TMEM67: variants seen among roughly 807,000 people sequenced by gnomAD.
The protein encoded by TMEM67 is transmembrane protein 67, also known as meckelin.
In TMEM67, 124 loss-of-function variants were observed where a neutral mutation model predicts 136.6. That is an observed-to-expected ratio of 0.91 (90% CI 0.78 to 1.05). The LOEUF (loss-of-function observed/expected upper bound fraction) is 1.05, where lower values mean the gene tolerates loss of function less well. TMEM67 is among the 50% of genes least tolerant of loss of function. The pLI, the probability that TMEM67 is intolerant of heterozygous loss-of-function variation, is 0.00. For missense variants in TMEM67, 1,107 were observed against 1,178.4 expected (o/e 0.94, Z 0.89); for synonymous variants, 364 against 390.5 (o/e 0.93, Z 0.80).
At chr8:93,806,639 C>A (rs1264463920) in intron 23 of TMEM67, among the ~76,000 whole-genome samples, 1 of 152,050 alleles carries the variant, frequency 6.6e-6, no homozygotes, top group Non-Finnish European at 1.5e-5. Flanking sequence ...GGGGCCATAC[C>A]TGTGACTTGT....
chr8:93,777,266 C>T (rs1263829458), intron 7 of TMEM67, among the ~76,000 whole-genome samples: 1 of 151,958 alleles, frequency 6.6e-6, no homozygotes, highest in South Asian at 2.1e-4. Flanking sequence ...GTCTCGCTAG[C>T]GGTCTATCAA....
chr8:93,771,879 T>G (rs999682485), intron 6 of TMEM67, among the ~76,000 whole-genome samples: 3 of 152,252 alleles, frequency 2.0e-5, no homozygotes, highest in African/African-American at 7.2e-5. Context: ...TATTATAGAT[T>G]TCTCTGATCA....
At chr8:93,831,000 T>G in the TMEM67 span, among the ~76,000 whole-genome samples, 2,180 of 152,326 alleles carry the variant, frequency 0.014, 59 homozygotes, top group African/African-American at 0.047. Flanking sequence ...TCACGGACAC[T>G]AACAGTAAAT....
the TMEM67 span, among the ~76,000 whole-genome samples, chr8:93,830,941 T>C: frequency 6.6e-6 from 1 of 152,290 alleles, no homozygotes; most frequent in Non-Finnish European, 1.5e-5. Flanking sequence ...ACTTTGATTT[T>C]AGAAGTGATA....
intron 3 of TMEM67, among the ~76,000 whole-genome samples, chr8:93,762,605 G>T (rs1427068494): frequency 6.6e-6 from 1 of 152,058 alleles, no homozygotes; most frequent in Non-Finnish European, 1.5e-5. Context: ...TGGCACTGTT[G>T]CCTCCATTGA....
intron 6 of TMEM67, among the ~76,000 whole-genome samples, chr8:93,768,164 C>A: frequency 6.6e-6 from 1 of 152,140 alleles, no homozygotes. Context: ...CCACACCCGA[C>A]TGGAGTCAGC....
intron 23 of TMEM67, among the ~76,000 whole-genome samples, chr8:93,806,699 C>T (rs567193781): frequency 6.6e-6 from 1 of 152,146 alleles, no homozygotes; most frequent in South Asian, 2.1e-4. Flanking sequence ...TTATTTAATA[C>T]ATTGAGCTGG....
downstream of TMEM67, among the ~76,000 whole-genome samples, chr8:93,822,213 T>G (rs1301290406): frequency 6.6e-6 from 1 of 152,176 alleles, no homozygotes; most frequent in East Asian, 1.9e-4. Context: ...AAAGAAGGTT[T>G]CCAAATGACC....
chr8:93,766,194 G>A (rs529604748), intron 6 of TMEM67, among the ~76,000 whole-genome samples: 1 of 152,126 alleles, frequency 6.6e-6, no homozygotes, highest in South Asian at 2.1e-4. Context: ...TGCAGTCTCG[G>A]CTCACTGCAA....
chr8:93,780,595 A>G lies in TMEM67; in HGVS notation c.717A>G (p.Val239=), dbSNP rs111991507. ...YLQSSAAACW[V]YANLTSCQAL... ...TCTTTGCCATTGTTCTGTTGTAGGT[A>G]TATGCCAATCTAACATCTTGTCAAG... The change falls in exon 8 of 28, where the codon GTA becomes GTG. Residue 239 remains valine, a splice_region_variant and synonymous_variant. Transcript: ENST00000453321. The G allele has an allele frequency of 8.5e-5, 138 of 1,614,084 alleles. No homozygotes were observed. Among genetic ancestry groups the G allele is most frequent in the Middle Eastern group, 6.6e-4 (4 of 6,056 alleles).
intron 20 of TMEM67, among the ~76,000 whole-genome samples, chr8:93,798,190 G>A (rs2130738326): frequency 6.6e-6 from 1 of 152,100 alleles, no homozygotes; most frequent in East Asian, 1.9e-4. Context: ...GACTGCTCTA[G>A]GTGTAAGGAG....
intron 23 of TMEM67, 138 bp from the exon 24 acceptor site, chr8:93,808,702 A>G (rs1808565849): frequency 4.7e-6 from 3 of 643,604 alleles, no homozygotes. Context: ...TGTTTCTCAA[A>G]TACAGTTTCA....
intron 21 of TMEM67, 103 bp from the exon 22 acceptor site, chr8:93,803,501 G>A: frequency 1.4e-6 from 1 of 716,454 alleles, no homozygotes; most frequent in Non-Finnish European, 2.5e-6. Flanking sequence ...AGGCCACTGT[G>A]CTTTTGGTTG....
intron 7 of TMEM67, among the ~76,000 whole-genome samples, chr8:93,772,874 T>C (rs1813386668): frequency 6.6e-6 from 1 of 151,828 alleles, no homozygotes; most frequent in Non-Finnish European, 1.5e-5. Context: ...TGAAACGGAG[T>C]GTTAGGGGAA....
At chr8:93,780,782 A>G (rs1480554812) in intron 8 of TMEM67, 35 bp downstream of exon 8, 1 of 1,612,236 alleles carries the variant, frequency 6.2e-7, no homozygotes, top group African/African-American at 1.3e-5. Context: ...TGTTATTTTG[A>G]CTGAATTCAG....
chr8:93,815,947 T>C (rs1267935063), intron 27 of TMEM67, among the ~76,000 whole-genome samples: 4 of 152,226 alleles, frequency 2.6e-5, no homozygotes. Context: ...AATGGTGTTA[T>C]TATCAACTAA....
At chr8:93,786,815 C>T (rs545411763) in intron 13 of TMEM67, among the ~76,000 whole-genome samples, 2 of 152,276 alleles carry the variant, frequency 1.3e-5, no homozygotes, top group East Asian at 3.9e-4. Context: ...ATTTCTCTTT[C>T]TTTTCCAGTG....
intron 7 of TMEM67, among the ~76,000 whole-genome samples, chr8:93,777,262 C>G (rs1468402930): frequency 6.6e-6 from 1 of 152,066 alleles, no homozygotes; most frequent in African/African-American, 2.4e-5. Context: ...ATTAGTCTCG[C>G]TAGCGGTCTA....
intron 21 of TMEM67, among the ~76,000 whole-genome samples, chr8:93,800,638 A>T (rs1814830832): frequency 6.6e-6 from 1 of 152,180 alleles, no homozygotes. Context: ...AGGCTAAAAA[A>T]ATTGCCTGAA....
Sources: gnomAD v4.1 joint callset for allele counts (sites outside exome capture counted in the v4.1 genomes callset) on GRCh38, gnomAD v4.1.1 for gene constraint, MANE v1.5 for transcripts, NCBI Gene and HGNC (gene_info 2026-07-23, HGNC 2026-07-21) for gene names.